The following IL31RA variants were observed in gnomAD, a reference collection of about 807,000 sequenced individuals.
IL31RA encodes the protein interleukin-31 receptor subunit alpha.
IL31RA carries 66 observed loss-of-function variants against 83.7 expected under a neutral mutation model. That is an observed-to-expected ratio of 0.79 (90% CI 0.65 to 0.97). IL31RA has a LOEUF of 0.97. Among genes scored for constraint, IL31RA ranks in the 50% least tolerant of loss-of-function variants. The pLI, the probability that IL31RA is intolerant of heterozygous loss-of-function variation, is 0.00. For missense variants in IL31RA, 798 were observed against 919.4 expected, an observed-to-expected ratio of 0.87 and a Z score of 1.71; for synonymous variants, 325 against 329.0, an observed-to-expected ratio of 0.99 and a Z score of 0.13.
rs1749352711 is a variant in IL31RA at position 55,909,352 on chromosome 5, G to A, written c.1501+941G>A. ...GTGAATAGGGCTGCTATGAACAGAT[G>A]TCTGCTACGAACATATGCTGCTGTG... On this transcript the variant is annotated intron_variant, in intron 11 of 14. Transcript: ENST00000652347. Among the ~76,000 whole-genome samples the A allele has an allele frequency of 2.6e-5, 4 of 152,174 alleles. 1 individual carries two copies. In the South Asian group the frequency reaches 8.3e-4, roughly 32 times the overall value.
chr5:55,891,509 GC>G (rs1023935954), intron 6 of IL31RA, among the ~76,000 whole-genome samples: 35 of 152,260 alleles, frequency 2.3e-4, no homozygotes, highest in African/African-American at 8.2e-4. Flanking sequence ...TCTAGTGGCT[GC>G]CTGCATTCTT....
intron 4 of IL31RA, among the ~76,000 whole-genome samples, chr5:55,879,130 T>A (rs903075576): frequency 6.6e-6 from 1 of 152,110 alleles, no homozygotes; most frequent in African/African-American, 2.4e-5. Context: ...GAGATTAAAG[T>A]TAGGCAAAAC....
At chr5:55,889,911 G>A in intron 5 of IL31RA, 59 bp from the exon 6 acceptor site, 1 of 1,509,654 alleles carries the variant, frequency 6.6e-7, no homozygotes, top group Non-Finnish European at 9.2e-7. Flanking sequence ...TAGTGAAGAG[G>A]AAAATGGGAG....
rs374923656 is a variant in IL31RA, at chr5:55,898,285, G to A, written c.853-1631G>A. On this transcript the variant is annotated intron_variant, in intron 7 of 14. Coordinates refer to ENST00000652347, the MANE Select transcript of IL31RA (RefSeq NM_139017.7). ...GGATTTCAGTGCCCGCCTCCTCCCC[G>A]TCGCCTGTTGGGTCTGGTCTTTTTC... Among the ~76,000 whole-genome samples, 54 of 152,152 alleles carry A rather than the reference G, an allele frequency of 3.5e-4. 2 individuals are homozygous for A. In the East Asian group the frequency reaches 0.01, roughly 29 times the overall value.
intron 1 of IL31RA, among the ~76,000 whole-genome samples, chr5:55,856,220 A>G (rs1745355648): frequency 6.6e-6 from 1 of 152,196 alleles, no homozygotes; most frequent in South Asian, 2.1e-4. Flanking sequence ...ATAGGACACC[A>G]CTAGTTACTT....
In IL31RA at chr5:55,922,061, G is replaced by C. The variant is rs111278807; in HGVS notation, c.*4941G>C. ...TGCACTCTTATGTTGTGGCGGGGGGGGGGGGCGGTTCCTGAAGAGTGGAGT... is the reference window on the plus strand; with the variant it reads ...TGCACTCTTATGTTGTGGCGGGGGGCGGGGGCGGTTCCTGAAGAGTGGAGT... On this transcript the variant is annotated 3_prime_UTR_variant, in exon 15 of 15. Coordinates refer to ENST00000652347, the MANE Select transcript of IL31RA (RefSeq NM_139017.7). 5.2e-5 allele frequency among the ~76,000 whole-genome samples: 7 copies of C among 133,786 alleles called. No homozygotes were observed. The highest frequency in any genetic ancestry group is 2.3e-4 in the African/African-American group (6 of 26,284). 87.8% of individuals were successfully genotyped at this position (133,786 alleles called of 152,430 possible).
At chr5:55,914,463 C>G (rs887692900) in intron 13 of IL31RA, among the ~76,000 whole-genome samples, 3 of 152,192 alleles carry the variant, frequency 2.0e-5, no homozygotes, top group African/African-American at 7.2e-5. Context: ...ACTTGGAGAA[C>G]CATTGCAGGA....
chr5:55,840,610 G>C, the IL31RA span, among the ~76,000 whole-genome samples: 6 of 152,146 alleles, frequency 3.9e-5, no homozygotes, highest in African/African-American at 1.4e-4. Flanking sequence ...CATTTTGAAG[G>C]ACCTGCTGTT....
intron 4 of IL31RA, among the ~76,000 whole-genome samples, chr5:55,875,966 AG>A (rs1457078485): frequency 2.6e-5 from 4 of 152,196 alleles, no homozygotes; most frequent in African/African-American, 9.6e-5. Context: ...CTTTAATGAA[AG>A]CATTTAATAT....
intron 14 of IL31RA, among the ~76,000 whole-genome samples, chr5:55,915,402 G>C (rs1484359900): frequency 6.6e-6 from 1 of 152,206 alleles, no homozygotes; most frequent in Non-Finnish European, 1.5e-5. Flanking sequence ...GGGGACGTCA[G>C]AGTCAGGCTT....
In IL31RA at chr5:55,872,333, G is replaced by C. The variant is rs757858747; in HGVS notation, c.336G>C (p.Ser112=). 5 of 1,613,152 alleles carry C rather than the reference G, an allele frequency of 3.1e-6. No homozygotes were observed. In the South Asian group the frequency reaches 4.4e-5, roughly 14 times the overall value. The stretch of plus-strand genomic sequence containing the variant: ...GTTCTACAAGTGAAAATCGTGCTTC[G>C]TGCTCTTTTTTCCTTCCAAGAATAA... ...TNSSTSENRA[S]CSFFLPRITI... The change falls in exon 4 of 15, where the codon TCG becomes TCC. Residue 112 remains serine, a synonymous_variant. Coordinates refer to ENST00000652347, the MANE Select transcript of IL31RA (RefSeq NM_139017.7).
chr5:55,859,201 G>T (rs549371391), intron 1 of IL31RA, among the ~76,000 whole-genome samples: 10 of 152,242 alleles, frequency 6.6e-5, no homozygotes, highest in Admixed American at 6.5e-4. Flanking sequence ...AAGGGCCAGA[G>T]GATGGCCTCA....
rs768899097 is a variant in IL31RA at position 55,900,177 on chromosome 5, A to G, written c.1069+45A>G. Reference sequence around the variant, plus strand: ...CTTCCTTAGGTGCCTGGTCCCATCAATTGGCCAAGGAGCAGTCCCTGTGCT... The same window carrying G: ...CTTCCTTAGGTGCCTGGTCCCATCAGTTGGCCAAGGAGCAGTCCCTGTGCT... On this transcript the variant is annotated intron_variant, in intron 8 of 14. Coordinates refer to ENST00000652347, the MANE Select transcript of IL31RA (RefSeq NM_139017.7). 1.9e-5 allele frequency: 27 copies of G among 1,397,922 alleles called. No homozygotes were observed. In the Admixed American group the frequency reaches 4.0e-4, roughly 21 times the overall value. 86.6% of individuals were successfully genotyped at this position (1,397,922 alleles called of 1,614,324 possible). A position where few individuals can be genotyped will look rare whatever the true frequency, so the allele number is the denominator to read the frequency against.
the IL31RA span, among the ~76,000 whole-genome samples, chr5:55,841,015 G>A: frequency 1.3e-5 from 2 of 152,014 alleles, no homozygotes; most frequent in African/African-American, 4.8e-5. Flanking sequence ...AATTAACCTG[G>A]GATTAAGATA....
Position 55,908,426 on chromosome 5 carries a change from A to G in IL31RA, c.1501+15A>G. 6.2e-7 allele frequency: 1 copy of G among 1,614,210 alleles called. No homozygotes were observed. Among genetic ancestry groups the G allele is most frequent in the African/African-American group, 1.3e-5 (1 of 75,052 alleles). On this transcript the variant is annotated intron_variant, in intron 11 of 14. Coordinates refer to ENST00000652347, the MANE Select transcript of IL31RA (RefSeq NM_139017.7). Reference sequence around the variant, plus strand: ...AAAAGGATTCTGTAAGCACGCCCATAGCGAAGTGGAAAAAAACCCCAAGCC... The same window carrying G: ...AAAAGGATTCTGTAAGCACGCCCATGGCGAAGTGGAAAAAAACCCCAAGCC...
intron 6 of IL31RA, among the ~76,000 whole-genome samples, chr5:55,891,035 T>G (rs192047486): frequency 2.0e-4 from 30 of 152,366 alleles, no homozygotes; most frequent in Admixed American, 1.9e-3. Context: ...TTTTTTAGTA[T>G]TATTTTAAAG....
Position 55,907,611 on chromosome 5 carries a change from C to A in IL31RA, c.1354+151C>A, listed in dbSNP as rs530475038. ...GTGAGCTCTGTATGTTATGAATTTGCTGAATTCTGAAGCTGGGGTAGACAT... is the reference window on the plus strand; with the variant it reads ...GTGAGCTCTGTATGTTATGAATTTGATGAATTCTGAAGCTGGGGTAGACAT... On this transcript the variant is annotated intron_variant, in intron 10 of 14. Transcript: ENST00000652347. The A allele has an allele frequency of 7.3e-6, 5 of 682,774 alleles. No homozygotes were observed. The East Asian group carries it at 1.1e-4, about 15-fold the overall frequency. The allele number at this position is 682,774 out of a possible 1,614,324, so 42.3% of individuals were successfully genotyped here. A position where few individuals can be genotyped will look rare whatever the true frequency, so the allele number is the denominator to read the frequency against.
Position 55,896,417 on chromosome 5 carries a change from G to T in IL31RA, c.840G>T (p.Arg280=). 6.2e-7 allele frequency: 1 copy of T among 1,612,348 alleles called. No homozygotes were observed. The highest frequency in any genetic ancestry group is 8.5e-7 in the Non-Finnish European group (1 of 1,178,488). ...PAEADGRRPV[R]LLWKKARGAP... ...AGGCGGATGGAAGAAGGCCAGTGCGGTTGTTATGGAAGGTGACCTCCCTCT... is the reference window on the plus strand; with the variant it reads ...AGGCGGATGGAAGAAGGCCAGTGCGTTTGTTATGGAAGGTGACCTCCCTCT... Residue 280 remains arginine (R), a synonymous_variant, in exon 7 of 15, where the codon CGG becomes CGT. Transcript: ENST00000652347.
At chr5:55,913,672 G>T in intron 13 of IL31RA, 102 bp downstream of exon 13, 3 of 779,828 alleles carry the variant, frequency 3.8e-6, no homozygotes, top group South Asian at 1.4e-5. Flanking sequence ...CCATTAAGGG[G>T]TGTTCATTCA....
Sources: gnomAD v4.1 joint callset for allele counts (sites outside exome capture counted in the v4.1 genomes callset) on GRCh38, gnomAD v4.1.1 for gene constraint, MANE v1.5 for transcripts, NCBI Gene and HGNC (gene_info 2026-07-23, HGNC 2026-07-21) for gene names.